Variants in RAD51B observed in about 807,000 individuals in gnomAD.
RAD51B encodes RAD51 paralog B.
Under a neutral mutation model 42.2 loss-of-function variants are expected in RAD51B, and 38 were observed. That is an observed-to-expected ratio of 0.90 (90% CI 0.70 to 1.18). The LOEUF is 1.18. RAD51B is among the 50% of genes most tolerant of loss of function. RAD51B has a pLI of 0.00. For synonymous variants in RAD51B, 154 were observed against 145.2 expected, an observed-to-expected ratio of 1.06 and a Z score of -0.43; for missense variants, 373 against 400.7, an observed-to-expected ratio of 0.93 and a Z score of 0.59.
At chr14:68,559,050 C>T (rs1233973153) in intron 10 of RAD51B, among the ~76,000 whole-genome samples, 1 of 150,946 alleles carries the variant, frequency 6.6e-6, no homozygotes, top group Non-Finnish European at 1.5e-5. Flanking sequence ...ATACATATCT[C>T]TAATAGGTAT....
intron 7 of RAD51B, among the ~76,000 whole-genome samples, chr14:68,107,261 C>G (rs947542746): frequency 2.0e-5 from 3 of 151,584 alleles, no homozygotes; most frequent in African/African-American, 7.3e-5. Flanking sequence ...CATCAAAAAA[C>G]GTAAAATACT....
chr14:67,862,367 G>A (rs2042191494), intron 4 of RAD51B, among the ~76,000 whole-genome samples: 1 of 151,468 alleles, frequency 6.6e-6, no homozygotes, highest in Non-Finnish European at 1.5e-5. Flanking sequence ...GATGTGATTT[G>A]TGTACTTTTC....
intron 7 of RAD51B, chr14:68,113,671 T>G (rs1351897190): frequency 6.6e-6 from 1 of 151,642 alleles, no homozygotes; most frequent in African/African-American, 2.4e-5. Context: ...AACAAATAAG[T>G]TTTTTTTTCC....
intron 10 of RAD51B, among the ~76,000 whole-genome samples, chr14:68,555,858 G>C (rs865865073): frequency 5.3e-5 from 8 of 152,316 alleles, no homozygotes; most frequent in African/African-American, 1.7e-4. Flanking sequence ...ACCCTGGCTT[G>C]TCCTGTGTAC....
intron 8 of RAD51B, among the ~76,000 whole-genome samples, chr14:68,409,692 G>A (rs1423196414): frequency 6.6e-6 from 1 of 152,178 alleles, no homozygotes; most frequent in African/African-American, 2.4e-5. Flanking sequence ...GCTGAGAGAG[G>A]TGAAGCCAGA....
At chr14:68,034,181 A>G (rs935598018) in intron 7 of RAD51B, among the ~76,000 whole-genome samples, 8 of 152,078 alleles carry the variant, frequency 5.3e-5, no homozygotes, top group East Asian at 3.8e-4. Context: ...GACTTTTCAT[A>G]CTACTGGAAT....
At chr14:68,338,110 A>T (rs2082495267) in intron 8 of RAD51B, among the ~76,000 whole-genome samples, 2 of 152,166 alleles carry the variant, frequency 1.3e-5, no homozygotes, top group South Asian at 4.1e-4. Flanking sequence ...TTTTATTTGT[A>T]AATAACTGAA....
chr14:68,271,048 G>A (rs866572655), intron 7 of RAD51B, among the ~76,000 whole-genome samples: 7 of 152,018 alleles, frequency 4.6e-5, no homozygotes, highest in Middle Eastern at 3.4e-3. Context: ...AGCCTCTGTC[G>A]CCCATTTTGT....
At chr14:68,580,588 G>C (rs981011316) in intron 10 of RAD51B, among the ~76,000 whole-genome samples, 2 of 152,128 alleles carry the variant, frequency 1.3e-5, no homozygotes, top group Admixed American at 1.3e-4. Flanking sequence ...CCACTCAGCT[G>C]TTCCTCAGTC....
chr14:68,385,765 A>C (rs1262351702), intron 8 of RAD51B, among the ~76,000 whole-genome samples: 2 of 152,168 alleles, frequency 1.3e-5, no homozygotes, highest in Non-Finnish European at 2.9e-5. Flanking sequence ...ATGATTAGAT[A>C]ATTTGTGATG....
chr14:68,133,827 T>A (rs545970481), intron 7 of RAD51B, among the ~76,000 whole-genome samples: 127 of 152,200 alleles, frequency 8.3e-4, no homozygotes, highest in Admixed American at 3.0e-3. Flanking sequence ...CTTTTTTTTT[T>A]AAATAATTAT....
intron 7 of RAD51B, among the ~76,000 whole-genome samples, chr14:67,922,671 G>C (rs1379663472): frequency 6.8e-6 from 1 of 147,644 alleles, no homozygotes; most frequent in East Asian, 2.0e-4. Flanking sequence ...AGTGTACACT[G>C]TACCCAATAT....
intron 10 of RAD51B, among the ~76,000 whole-genome samples, chr14:68,648,857 G>A (rs1195768616): frequency 2.0e-5 from 3 of 152,046 alleles, no homozygotes; most frequent in African/African-American, 4.8e-5. Context: ...TTGTGATGGC[G>A]ATGACCCTGT....
chr14:68,115,725 G>T (rs563459432), intron 7 of RAD51B, among the ~76,000 whole-genome samples: 28 of 152,222 alleles, frequency 1.8e-4, no homozygotes, highest in African/African-American at 6.5e-4. Context: ...CGGGAATCTT[G>T]TGTCAGGGAA....
At chr14:68,070,936 T>C (rs1458060600) in intron 7 of RAD51B, among the ~76,000 whole-genome samples, 1 of 152,208 alleles carries the variant, frequency 6.6e-6, no homozygotes, top group Non-Finnish European at 1.5e-5. Flanking sequence ...TTTCCATTTG[T>C]TTGTGTCATC....
At chr14:67,990,078 A>C (rs1203374114) in intron 7 of RAD51B, among the ~76,000 whole-genome samples, 1 of 147,824 alleles carries the variant, frequency 6.8e-6, no homozygotes, top group Non-Finnish European at 1.5e-5. Flanking sequence ...GCTCACTGCA[A>C]CCTCTACCTC....
intron 8 of RAD51B, among the ~76,000 whole-genome samples, chr14:68,403,496 T>C (rs2084176990): frequency 1.3e-5 from 2 of 152,196 alleles, no homozygotes; most frequent in South Asian, 4.1e-4. Context: ...CCAACAGGCC[T>C]CTTCTAAATA....
At chr14:68,467,116 G>T (rs1312743781) in intron 9 of RAD51B, among the ~76,000 whole-genome samples, 2 of 152,196 alleles carry the variant, frequency 1.3e-5, no homozygotes, top group Non-Finnish European at 2.9e-5. Flanking sequence ...ACAGGAAACT[G>T]ATAATTAATC....
chr14:67,979,867 C>G (rs2075059723), intron 7 of RAD51B, among the ~76,000 whole-genome samples: 1 of 151,996 alleles, frequency 6.6e-6, no homozygotes, highest in Non-Finnish European at 1.5e-5. Flanking sequence ...TACATATTAG[C>G]AAGTTTAAAA....
Sources: gnomAD v4.1 joint callset for allele counts (sites outside exome capture counted in the v4.1 genomes callset) on GRCh38, gnomAD v4.1.1 for gene constraint, MANE v1.5 for transcripts, NCBI Gene and HGNC (gene_info 2026-07-23, HGNC 2026-07-21) for gene names.